Variants in BMP2K observed in about 807,000 individuals in gnomAD.
BMP2K encodes BMP-2-inducible protein kinase.
A neutral mutation model predicts 116.0 loss-of-function variants in BMP2K; 74 were observed. That is an observed-to-expected ratio of 0.64 (90% CI 0.53 to 0.77). The LOEUF is 0.77. Among genes scored for constraint, BMP2K ranks in the 30% least tolerant of loss-of-function variants. The pLI is 0.00. For synonymous variants in BMP2K, 486 were observed against 502.5 expected, an observed-to-expected ratio of 0.97 and a Z score of 0.44; for missense variants, 1,365 against 1,403.6, an observed-to-expected ratio of 0.97 and a Z score of 0.44.
intron 1 of BMP2K, among the ~76,000 whole-genome samples, chr4:78,794,414 A>C (rs752358285): frequency 5.3e-5 from 8 of 152,152 alleles, no homozygotes; most frequent in Non-Finnish European, 1.0e-4. Context: ...TATTCTGAAT[A>C]CCAAAAGTAG....
intron 1 of BMP2K, among the ~76,000 whole-genome samples, chr4:78,791,890 C>G (rs949843225): frequency 1.3e-5 from 2 of 152,184 alleles, no homozygotes; most frequent in African/African-American, 4.8e-5. Context: ...GTGAATAATG[C>G]TGCTGTACAT....
chr4:78,863,271 C>G (rs1357332787), intron 9 of BMP2K, among the ~76,000 whole-genome samples: 1 of 151,912 alleles, frequency 6.6e-6, no homozygotes, highest in African/African-American at 2.4e-5. Flanking sequence ...TAAATGTATA[C>G]AAAGCTTAAT....
intron 1 of BMP2K, among the ~76,000 whole-genome samples, chr4:78,796,047 A>G (rs1224209689): frequency 2.4e-4 from 37 of 152,166 alleles, no homozygotes; most frequent in Middle Eastern, 6.8e-3. Flanking sequence ...CTGGGTATAT[A>G]CCCAAAGGAC....
chr4:78,820,823 C>T (rs2903591), intron 1 of BMP2K: 8,909 of 153,252 alleles, frequency 0.058, 364 homozygotes, highest in East Asian at 0.22. Context: ...CCATCCACCT[C>T]GGCCTCCCAA....
intron 14 of BMP2K, among the ~76,000 whole-genome samples, chr4:78,886,793 C>A (rs187480162): frequency 2.6e-5 from 4 of 152,094 alleles, no homozygotes; most frequent in African/African-American, 4.8e-5. Flanking sequence ...GGATGAATGA[C>A]CATTTGCAAG....
intron 14 of BMP2K, among the ~76,000 whole-genome samples, chr4:78,886,005 G>A (rs1447915374): frequency 6.6e-6 from 1 of 152,146 alleles, no homozygotes. Context: ...ATATTGTGAA[G>A]TTAACATTCT....
intron 8 of BMP2K, among the ~76,000 whole-genome samples, chr4:78,860,943 TAAAC>T (rs915270851): frequency 6.6e-6 from 1 of 151,862 alleles, no homozygotes; most frequent in Non-Finnish European, 1.5e-5. Flanking sequence ...TATAGACAAA[TAAAC>T]AAGGCCTTCT....
chr4:78,904,383 C>T (rs1483578017), intron 15 of BMP2K, among the ~76,000 whole-genome samples: 3 of 151,868 alleles, frequency 2.0e-5, no homozygotes, highest in Admixed American at 2.0e-4. Context: ...CCCTCTGATT[C>T]ATTTCTGATT....
Position 78,915,597 on chromosome 4 carries a change from T to TA in BMP2K, c.*3565dup, listed in dbSNP as rs1734978726. On this transcript the variant is annotated 3_prime_UTR_variant, in exon 16 of 16. Coordinates refer to ENST00000502613, the MANE Select transcript of BMP2K (RefSeq NM_198892.2). Reference sequence around the variant, plus strand: ...GATGAATAGTTTATTTGAGAACTTTTATACTCAGTGGTGTTTTATATATTA... The same window carrying TA: ...GATGAATAGTTTATTTGAGAACTTTTAATACTCAGTGGTGTTTTATATATTA... The TA allele has an allele frequency of 6.6e-6, 1 of 151,984 alleles. No homozygotes were observed. Among genetic ancestry groups the TA allele is most frequent in the African/African-American group, 2.4e-5 (1 of 41,430 alleles). 9.4% of individuals were successfully genotyped at this position (151,984 alleles called of 1,614,324 possible). A position where few individuals can be genotyped will look rare whatever the true frequency, so the allele number is the denominator to read the frequency against.
chr4:78,846,712 CAAAAG>C (rs1345618989), intron 5 of BMP2K, among the ~76,000 whole-genome samples: 1 of 151,356 alleles, frequency 6.6e-6, no homozygotes, highest in Non-Finnish European at 1.5e-5. Context: ...AAAACAAACT[CAAAAG>C]AGATTTACTA....
At chr4:78,778,690 A>G (rs780325845) in intron 1 of BMP2K, among the ~76,000 whole-genome samples, 2 of 152,238 alleles carry the variant, frequency 1.3e-5, no homozygotes, top group Non-Finnish European at 2.9e-5. Context: ...TCAGATGCTT[A>G]ATATCCCCTC....
At chr4:78,892,447 T>C (rs1390887050) in intron 15 of BMP2K, among the ~76,000 whole-genome samples, 4 of 152,236 alleles carry the variant, frequency 2.6e-5, no homozygotes, top group Non-Finnish European at 5.9e-5. Flanking sequence ...TTATACCTAA[T>C]GGTAGTAATT....
chr4:78,776,379 G>C lies in BMP2K; in HGVS notation c.-165G>C. The stretch of plus-strand genomic sequence containing the variant: ...GCAGCGGAGCCGCGGAGCGGGCGGC[G>C]GGGCCCAGGCTGTGCGCTTGGGGAG... On this transcript the variant is annotated 5_prime_UTR_variant, in exon 1 of 16. Transcript: ENST00000502613. 1.6e-6 allele frequency: 1 copy of C among 638,880 alleles called. No homozygotes were observed. The highest frequency in any genetic ancestry group is 7.3e-5 in the South Asian group (1 of 13,634). 39.6% of individuals were successfully genotyped at this position (638,880 alleles called of 1,614,324 possible).
intron 15 of BMP2K, among the ~76,000 whole-genome samples, chr4:78,896,079 T>C (rs1395063864): frequency 1.3e-5 from 2 of 152,208 alleles, no homozygotes; most frequent in Non-Finnish European, 2.9e-5. Context: ...GTTTAATTAA[T>C]TGAAACATAG....
chr4:78,880,061 A>T (rs1374751994), intron 14 of BMP2K: 4 of 151,910 alleles, frequency 2.6e-5, no homozygotes, highest in Non-Finnish European at 5.9e-5. Context: ...CAAAAGCAAG[A>T]TTTTTTGTTT....
intron 7 of BMP2K, 164 bp from the exon 8 acceptor site, chr4:78,859,420 A>T (rs1731661165): frequency 2.1e-6 from 1 of 482,364 alleles, no homozygotes; most frequent in African/African-American, 2.0e-5. Context: ...TATTTATAAA[A>T]TAGCAATTTC....
intron 2 of BMP2K, among the ~76,000 whole-genome samples, chr4:78,831,386 T>A (rs1478677215): frequency 6.6e-6 from 1 of 152,234 alleles, no homozygotes; most frequent in Admixed American, 6.5e-5. Context: ...GCCTATAAAC[T>A]TGCTCCATGC....
chr4:78,779,858 C>G (rs1351374434), intron 1 of BMP2K, among the ~76,000 whole-genome samples: 1 of 152,148 alleles, frequency 6.6e-6, no homozygotes, highest in East Asian at 1.9e-4. Flanking sequence ...AGAACTTGCA[C>G]CTTTTTAGTT....
intron 1 of BMP2K, among the ~76,000 whole-genome samples, chr4:78,795,759 A>G (rs995725164): frequency 6.6e-6 from 1 of 152,232 alleles, no homozygotes; most frequent in Non-Finnish European, 1.5e-5. Flanking sequence ...AAAAGAAGAC[A>G]TTTATGCAGC....
Sources: gnomAD v4.1 joint callset for allele counts (sites outside exome capture counted in the v4.1 genomes callset) on GRCh38, gnomAD v4.1.1 for gene constraint, MANE v1.5 for transcripts, NCBI Gene and HGNC (gene_info 2026-07-23, HGNC 2026-07-21) for gene names.